The following CLNK variants were observed in gnomAD, a reference collection of about 807,000 sequenced individuals.
The protein encoded by CLNK is cytokine-dependent hematopoietic cell linker.
In CLNK, 74 loss-of-function variants were observed where a neutral mutation model predicts 68.6. The ratio of observed to expected loss-of-function variants is 1.08; its 90% CI spans 0.89 to 1.31. The LOEUF is 1.31. Ranked by LOEUF, CLNK falls within the 50% of genes most tolerant of loss-of-function variation. CLNK has a pLI of 0.00. For synonymous variants in CLNK, 198 were observed against 172.2 expected, an observed-to-expected ratio of 1.15 and a Z score of -1.17; for missense variants, 553 against 515.3, an observed-to-expected ratio of 1.07 and a Z score of -0.71.
intron 2 of CLNK, among the ~76,000 whole-genome samples, chr4:10,665,285 G>T (rs13144136): frequency 0.34 from 52,342 of 151,996 alleles, 9,072 homozygotes; most frequent in South Asian, 0.39. Context: ...CAACTCCCTG[G>T]CTAAAAGACA....
chr4:10,681,506 C>A (rs1487503391), intron 1 of CLNK, among the ~76,000 whole-genome samples: 2 of 152,154 alleles, frequency 1.3e-5, no homozygotes, highest in Non-Finnish European at 2.9e-5. Context: ...TGTATCTAGA[C>A]CTTTTGGCTC....
At chr4:10,550,490 G>A (rs1719404502) in intron 8 of CLNK, among the ~76,000 whole-genome samples, 1 of 152,014 alleles carries the variant, frequency 6.6e-6, no homozygotes, top group Non-Finnish European at 1.5e-5. Flanking sequence ...GGGAGACTCT[G>A]TCTCAAAAAA....
At chr4:10,707,885 C>G in the CLNK span, among the ~76,000 whole-genome samples, 1 of 152,196 alleles carries the variant, frequency 6.6e-6, no homozygotes, top group Non-Finnish European at 1.5e-5. Context: ...GCGATGATGC[C>G]ACAGTGCAGC....
chr4:10,724,897 C>T, the CLNK span, among the ~76,000 whole-genome samples: 1 of 152,082 alleles, frequency 6.6e-6, no homozygotes, highest in African/African-American at 2.4e-5. Flanking sequence ...AAGAGAAAGC[C>T]TATTTAATCT....
In CLNK at chr4:10,554,769, A is replaced by G. The variant is rs1386925622; in HGVS notation, c.445+3638T>C. 2.0e-5 allele frequency among the ~76,000 whole-genome samples: 3 copies of G among 152,214 alleles called. No individual in the cohort carries two copies. The South Asian group carries it at 6.2e-4, about 32-fold the overall frequency. ...TTCTGCAAAGGATAGAAGATAACCA[A>G]TCTCATCATTATTGCAAAGTTGTGT... On this transcript the variant is annotated intron_variant, in intron 8 of 18. Transcript: ENST00000226951.
intron 18 of CLNK, among the ~76,000 whole-genome samples, chr4:10,495,346 C>G (rs895372040): frequency 5.3e-5 from 8 of 152,160 alleles, no homozygotes; most frequent in African/African-American, 1.9e-4. Flanking sequence ...AAGGCAGGTG[C>G]CTCCTTGGCT....
chr4:10,637,537 A>G (rs1353689170), intron 2 of CLNK, among the ~76,000 whole-genome samples: 3 of 125,834 alleles, frequency 2.4e-5, no homozygotes, highest in African/African-American at 9.4e-5. Context: ...TGTATGTCCT[A>G]CCTCTCCAAA....
intron 2 of CLNK, among the ~76,000 whole-genome samples, chr4:10,609,174 C>A (rs1721908343): frequency 6.6e-6 from 1 of 152,208 alleles, no homozygotes. Context: ...GGGCTCTCAT[C>A]CCCCCTGCTT....
At chr4:10,681,103 G>C (rs1725079563) in intron 1 of CLNK, among the ~76,000 whole-genome samples, 1 of 152,176 alleles carries the variant, frequency 6.6e-6, no homozygotes, top group Non-Finnish European at 1.5e-5. Context: ...AAATTACACA[G>C]CTCTGACTTA....
chr4:10,600,102 C>T (rs974724085), intron 2 of CLNK, among the ~76,000 whole-genome samples: 5 of 152,206 alleles, frequency 3.3e-5, no homozygotes, highest in African/African-American at 9.6e-5. Context: ...CTGCTACCCT[C>T]TCTCTCTGCC....
chr4:10,616,778 ATGTGTG>A (rs62931362), intron 2 of CLNK, among the ~76,000 whole-genome samples: 101,577 of 144,238 alleles, frequency 0.7, 36,700 homozygotes, highest in Non-Finnish European at 0.77. Context: ...GTGTGTATAT[ATGTGTG>A]TGTGTGTATA....
chr4:10,690,241 G>A, the CLNK span, among the ~76,000 whole-genome samples: 1 of 152,064 alleles, frequency 6.6e-6, no homozygotes, highest in Non-Finnish European at 1.5e-5. Flanking sequence ...CCTGCTTCCT[G>A]GCCCAACCAC....
intron 2 of CLNK, among the ~76,000 whole-genome samples, chr4:10,660,367 T>A (rs13128842): frequency 0.44 from 67,474 of 152,054 alleles, 15,548 homozygotes; most frequent in East Asian, 0.53. Flanking sequence ...CATATGATAC[T>A]TCAAGTTAAA....
chr4:10,588,150 G>A (rs1422247828), intron 3 of CLNK, among the ~76,000 whole-genome samples: 2 of 152,224 alleles, frequency 1.3e-5, no homozygotes, highest in Non-Finnish European at 2.9e-5. Context: ...TGTAAGCGTG[G>A]CAAGCCATCC....
the CLNK span, among the ~76,000 whole-genome samples, chr4:10,703,330 T>C: frequency 1.3e-5 from 2 of 152,182 alleles, no homozygotes; most frequent in African/African-American, 2.4e-5. Context: ...ATTTGTTGAG[T>C]ACATAATATG....
chr4:10,548,293 G>A (rs1306164374), intron 8 of CLNK, among the ~76,000 whole-genome samples: 2 of 152,082 alleles, frequency 1.3e-5, no homozygotes, highest in Admixed American at 6.6e-5. Context: ...TTGGCTACCT[G>A]TATTTCCTCC....
chr4:10,609,864 C>T (rs1721940494), intron 2 of CLNK, among the ~76,000 whole-genome samples: 1 of 152,052 alleles, frequency 6.6e-6, no homozygotes, highest in South Asian at 2.1e-4. Context: ...AAATGAGATC[C>T]TATGAAGTGA....
chr4:10,584,864 T>A, intron 4 of CLNK, 63 bp downstream of exon 4: 2 of 1,531,766 alleles, frequency 1.3e-6, no homozygotes, highest in South Asian at 2.3e-5. Flanking sequence ...AGAATGGAAA[T>A]AACAGCCCAA....
At chr4:10,605,181 C>A (rs1391893938) in intron 2 of CLNK, among the ~76,000 whole-genome samples, 1 of 152,178 alleles carries the variant, frequency 6.6e-6, no homozygotes, top group Non-Finnish European at 1.5e-5. Flanking sequence ...TTCAAACTTG[C>A]CAGTTCCCAG....
Sources: allele counts gnomAD v4.1 joint callset (sites outside exome capture counted in the v4.1 genomes callset), GRCh38; gene constraint gnomAD v4.1.1; transcripts MANE v1.5; gene names NCBI Gene and HGNC (gene_info 2026-07-23, HGNC 2026-07-21).